KIF6: variants seen among roughly 807,000 people sequenced by gnomAD.
KIF6 encodes the protein kinesin-like protein KIF6.
KIF6 carries 106 observed loss-of-function variants against 112.7 expected under a neutral mutation model. That is an observed-to-expected ratio of 0.94 (90% CI 0.80 to 1.11). KIF6 has a LOEUF of 1.11. KIF6 is among the 50% of genes least tolerant of loss of function. KIF6 has a pLI of 0.00. For synonymous variants in KIF6, 339 were observed against 339.9 expected (o/e 1.00, Z 0.03); for missense variants, 929 against 964.0 (o/e 0.96, Z 0.48).
At chr6:39,653,742 AGTTAGCTGACT>A (rs1437997108) in intron 3 of KIF6, among the ~76,000 whole-genome samples, 1 of 152,196 alleles carries the variant, frequency 6.6e-6, no homozygotes, top group Non-Finnish European at 1.5e-5. Context: ...CCCTAACTTC[AGTTAGCTGACT>A]GTTAAAGAGG....
intron 16 of KIF6, among the ~76,000 whole-genome samples, 153 bp downstream of exon 16, chr6:39,385,469 C>A (rs992854091): frequency 6.6e-6 from 1 of 152,106 alleles, no homozygotes; most frequent in Non-Finnish European, 1.5e-5. Context: ...AGAGGAGGGG[C>A]ATCCAAGGAA....
intron 16 of KIF6, among the ~76,000 whole-genome samples, chr6:39,377,909 G>A (rs1766581309): frequency 6.6e-6 from 1 of 152,190 alleles, no homozygotes. Flanking sequence ...TGTTCCTGGG[G>A]CAGTGAGAAG....
rs555569467 is a variant in KIF6, at chr6:39,638,631, A to G, written c.399+979T>C. 2.0e-5 allele frequency among the ~76,000 whole-genome samples: 3 copies of G among 152,258 alleles called. 1 individual carries two copies. The South Asian group carries it at 6.2e-4, about 32-fold the overall frequency. ...TGGCAATTAGAATTATGCAGATCTC[A>G]GCAATTTCTTCTCATCTTTGCAACT... On this transcript the variant is annotated intron_variant, in intron 4 of 22. Transcript: ENST00000287152.
At chr6:39,419,868 C>T in intron 15 of KIF6, 80 bp downstream of exon 15, 1 of 1,219,718 alleles carries the variant, frequency 8.2e-7, no homozygotes, top group African/African-American at 1.5e-5. Context: ...GGCTTCATGG[C>T]CATTTGGAGG....
At chr6:39,582,364 C>T (rs924789779) in intron 9 of KIF6, among the ~76,000 whole-genome samples, 2 of 152,100 alleles carry the variant, frequency 1.3e-5, no homozygotes, top group African/African-American at 2.4e-5. Flanking sequence ...CTTTTACCAC[C>T]TTGTCTCTCT....
rs75893399 is a variant in KIF6 at position 39,593,702 on chromosome 6, A to C, written c.846+2352T>G. Among the ~76,000 whole-genome samples the C allele has an allele frequency of 4.5e-4, 68 of 152,288 alleles. No homozygotes were observed. The East Asian group carries it at 0.012, about 26-fold the overall frequency. On this transcript the variant is annotated intron_variant, in intron 7 of 22. Transcript: ENST00000287152. ...AGCAAATTCATCCCCCTGGGCTGGA[A>C]CTAAGAGCTGACAGGCTTGCAATTC... is the stretch of plus-strand genomic sequence containing the variant.
intron 19 of KIF6, among the ~76,000 whole-genome samples, chr6:39,351,051 C>T (rs774097057): frequency 2.0e-5 from 3 of 152,134 alleles, no homozygotes; most frequent in African/African-American, 4.8e-5. Flanking sequence ...TCCCCAAGAC[C>T]CTTCTGCCAG....
intron 22 of KIF6, 112 bp from the exon 23 acceptor site, chr6:39,336,660 C>T: frequency 1.1e-6 from 1 of 919,142 alleles, no homozygotes. Flanking sequence ...GGGTCTTGGG[C>T]ACTGCATCTG....
intron 16 of KIF6, among the ~76,000 whole-genome samples, chr6:39,383,421 T>G (rs190100645): frequency 6.6e-6 from 1 of 152,252 alleles, no homozygotes; most frequent in South Asian, 2.1e-4. Flanking sequence ...TAGGGTGTTC[T>G]TTCCCCATTG....
chr6:39,723,705 G>A (rs1790362096), intron 1 of KIF6, among the ~76,000 whole-genome samples: 1 of 152,136 alleles, frequency 6.6e-6, no homozygotes, highest in Non-Finnish European at 1.5e-5. Context: ...GAGAACGCAT[G>A]CACACAGGGA....
chr6:39,430,649 T>C (rs1237080634), intron 14 of KIF6, among the ~76,000 whole-genome samples: 1 of 152,226 alleles, frequency 6.6e-6, no homozygotes, highest in African/African-American at 2.4e-5. Flanking sequence ...ATATTTTCTT[T>C]GACTAAGACA....
chr6:39,556,642 T>G (rs777588155), intron 10 of KIF6, among the ~76,000 whole-genome samples: 1 of 146,918 alleles, frequency 6.8e-6, no homozygotes, highest in Non-Finnish European at 1.5e-5. Context: ...AGACGGCCGG[T>G]GGGAGAACAA....
chr6:39,617,664 G>A (rs1561868043), intron 5 of KIF6: 7 of 453,722 alleles, frequency 1.5e-5, no homozygotes, highest in South Asian at 1.1e-4. Flanking sequence ...AACAAAATCA[G>A]CATACTGCAA....
intron 15 of KIF6, among the ~76,000 whole-genome samples, chr6:39,417,426 G>A (rs1017814344): frequency 6.6e-6 from 1 of 152,226 alleles, no homozygotes. Context: ...TGGCAGCAAT[G>A]GAAGCTTGAA....
At chr6:39,704,347 G>T (rs115370456) in intron 3 of KIF6, among the ~76,000 whole-genome samples, 74 of 152,302 alleles carry the variant, frequency 4.9e-4, no homozygotes, top group African/African-American at 1.6e-3. Context: ...GGCCAGGCGC[G>T]TTGGCTCATG....
At position 39,342,509 on chromosome 6, in the gene KIF6, T is replaced by C. The variant is rs1304926375; in HGVS notation, c.2428+1200A>G. On this transcript the variant is annotated intron_variant, in intron 22 of 22. Coordinates refer to ENST00000287152, the MANE Select transcript of KIF6 (RefSeq NM_145027.6). This position sits in a 1 kb window ranked among gnomAD's most constrained non-coding sequence, Gnocchi z 4.7. Reference sequence around the variant, plus strand: ...AACATATACAGTGTTTGCTGACTGATTGGCTGTTCATTGCTGTTCAGTGCC... The same window carrying C: ...AACATATACAGTGTTTGCTGACTGACTGGCTGTTCATTGCTGTTCAGTGCC... Among the ~76,000 whole-genome samples the C allele has an allele frequency of 1.3e-5, 2 of 152,142 alleles. No individual in the cohort carries two copies. Among genetic ancestry groups the C allele is most frequent in the East Asian group, 3.9e-4 (2 of 5,194 alleles).
At chr6:39,469,842 A>T (rs1283810844) in intron 13 of KIF6, among the ~76,000 whole-genome samples, 1 of 152,224 alleles carries the variant, frequency 6.6e-6, no homozygotes, top group African/African-American at 2.4e-5. Context: ...GAAACAGATG[A>T]TTCAACAATA....
At chr6:39,621,105 G>C (rs1204279529) in intron 5 of KIF6, among the ~76,000 whole-genome samples, 1 of 151,558 alleles carries the variant, frequency 6.6e-6, no homozygotes, top group Non-Finnish European at 1.5e-5. Flanking sequence ...ATATTTTAGG[G>C]TTAGGATGTA....
intron 19 of KIF6, chr6:39,353,912 G>T (rs1581653220): frequency 2.3e-6 from 1 of 436,682 alleles, no homozygotes; most frequent in South Asian, 2.7e-5. Context: ...AGCTAAGTGT[G>T]ATGCCCAGAC....
Sources: allele counts gnomAD v4.1 joint callset (sites outside exome capture counted in the v4.1 genomes callset), GRCh38; gene constraint gnomAD v4.1.1; non-coding constraint Gnocchi (gnomAD v3.1); transcripts MANE v1.5; gene names NCBI Gene and HGNC (gene_info 2026-07-23, HGNC 2026-07-21).